Variants in CARMIL1 observed in about 807,000 individuals in gnomAD.
The protein encoded by CARMIL1 is F-actin-uncapping protein LRRC16A.
A neutral mutation model predicts 177.1 loss-of-function variants in CARMIL1; 90 were observed. That is an observed-to-expected ratio of 0.51 (90% CI 0.43 to 0.61). CARMIL1 has a LOEUF of 0.61. CARMIL1 is among the 20% of genes least tolerant of loss of function. CARMIL1 has a pLI of 0.00. For synonymous variants in CARMIL1, 577 were observed against 606.2 expected (o/e 0.95, Z 0.71); for missense variants, 1,380 against 1,667.0 (o/e 0.83, Z 3.00).
At chr6:25,456,337 G>A (rs115336437) in intron 8 of CARMIL1, among the ~76,000 whole-genome samples, 273 of 152,222 alleles carry the variant, frequency 1.8e-3, no homozygotes, top group African/African-American at 6.4e-3. Context: ...ACTGAATCTA[G>A]GACCAGTCCC....
At chr6:25,599,707 C>G (rs796268542) in intron 32 of CARMIL1, among the ~76,000 whole-genome samples, 1 of 152,070 alleles carries the variant, frequency 6.6e-6, no homozygotes, top group Non-Finnish European at 1.5e-5. Context: ...AGACTCAAGT[C>G]GCAAAAAGCC....
At chr6:25,542,098 T>C (rs1414837528) in intron 26 of CARMIL1, among the ~76,000 whole-genome samples, 2 of 152,242 alleles carry the variant, frequency 1.3e-5, no homozygotes, top group Non-Finnish European at 2.9e-5. Flanking sequence ...TAAGAACTTA[T>C]TCCATACTGA....
intron 36 of CARMIL1, among the ~76,000 whole-genome samples, chr6:25,619,213 C>T (rs1477528273): frequency 3.3e-5 from 5 of 152,186 alleles, no homozygotes; most frequent in South Asian, 4.1e-4. Flanking sequence ...GAGAGGTTCA[C>T]CCTGTCATAG....
chr6:25,289,117 C>A (rs972079583), intron 2 of CARMIL1, among the ~76,000 whole-genome samples: 2 of 152,190 alleles, frequency 1.3e-5, no homozygotes, highest in Non-Finnish European at 2.9e-5. Context: ...AATAGGCTCT[C>A]CATCATTAGG....
intron 8 of CARMIL1, among the ~76,000 whole-genome samples, chr6:25,463,211 TA>T (rs531756733): frequency 1.7e-4 from 26 of 152,350 alleles, no homozygotes; most frequent in African/African-American, 5.5e-4. Flanking sequence ...AAGGTATCCT[TA>T]TGACATTTGG....
intron 8 of CARMIL1, among the ~76,000 whole-genome samples, chr6:25,459,246 C>CTTTCTTTCTTTCTTTCTT (rs1562167309): frequency 1.7e-4 from 19 of 110,956 alleles, no homozygotes; most frequent in Admixed American, 3.2e-4. Flanking sequence ...TTCTTTCTTT[C>CTTTCTTTCTTTCTTTCTT]TTTCTTTCTT....
At chr6:25,300,455 C>T (rs930486969) in intron 2 of CARMIL1, among the ~76,000 whole-genome samples, 2 of 152,164 alleles carry the variant, frequency 1.3e-5, no homozygotes, top group South Asian at 4.2e-4. Flanking sequence ...TCACTTGAGG[C>T]CAGGAGTTCG....
Position 25,509,846 on chromosome 6 carries a change from G to A in CARMIL1, c.1477+109G>A. The A allele has an allele frequency of 1.3e-6, 1 of 766,708 alleles. No individual in the cohort carries two copies. Among genetic ancestry groups the A allele is most frequent in the Non-Finnish European group, 2.1e-6 (1 of 479,602 alleles). The allele number at this position is 766,708 out of a possible 1,614,324, so 47.5% of individuals were successfully genotyped here. On this transcript the variant is annotated intron_variant, in intron 18 of 36. Transcript: ENST00000329474. This position sits in a 1 kb window ranked among gnomAD's most constrained non-coding sequence, Gnocchi z 4.1. The stretch of plus-strand genomic sequence containing the variant: ...CAAACAATAGCTTAATAAAAAAATT[G>A]TTTTTTATTTTTTGACTAATAGGGC...
chr6:25,341,922 A>G (rs1786985827), intron 2 of CARMIL1, among the ~76,000 whole-genome samples: 3 of 152,354 alleles, frequency 2.0e-5, no homozygotes, highest in African/African-American at 7.2e-5. Flanking sequence ...ATAACACTGG[A>G]AAGGCGGAGG....
At chr6:25,485,303 C>G (rs1377353487) in intron 12 of CARMIL1, among the ~76,000 whole-genome samples, 1 of 152,116 alleles carries the variant, frequency 6.6e-6, no homozygotes, top group Non-Finnish European at 1.5e-5. Context: ...TGCCTGTACC[C>G]TTTACAAATA....
chr6:25,386,053 C>T (rs1016505313), intron 2 of CARMIL1, among the ~76,000 whole-genome samples: 14 of 152,126 alleles, frequency 9.2e-5, no homozygotes, highest in African/African-American at 2.9e-4. Flanking sequence ...TGGATACATC[C>T]GAGTGTATTT....
chr6:25,482,210 A>G, intron 11 of CARMIL1, 47 bp from the exon 12 acceptor site: 1 of 921,070 alleles, frequency 1.1e-6, no homozygotes, highest in Non-Finnish European at 1.7e-6. Context: ...TAAAAAATGC[A>G]ATTCTGAGAA....
In CARMIL1 at chr6:25,606,287, A is replaced by G; in HGVS notation, c.3847+14A>G. On this transcript the variant is annotated intron_variant, in intron 35 of 36. Coordinates refer to ENST00000329474, the MANE Select transcript of CARMIL1 (RefSeq NM_017640.6). Reference sequence around the variant, plus strand: ...CCTCACGGCCTGGTAAGAGTTTTGCAGTTAGGGAGTTGCATTGTGACCAGG... The same window carrying G: ...CCTCACGGCCTGGTAAGAGTTTTGCGGTTAGGGAGTTGCATTGTGACCAGG... The G allele has an allele frequency of 6.2e-7, 1 of 1,609,506 alleles. No homozygotes were observed.
intron 2 of CARMIL1, among the ~76,000 whole-genome samples, chr6:25,359,606 C>A (rs1364122167): frequency 6.6e-6 from 1 of 152,236 alleles, no homozygotes; most frequent in Non-Finnish European, 1.5e-5. Flanking sequence ...GATCCAGCAG[C>A]CTTTGTGCTC....
At chr6:25,312,926 A>C (rs901232320) in intron 2 of CARMIL1, among the ~76,000 whole-genome samples, 9 of 150,084 alleles carry the variant, frequency 6.0e-5, no homozygotes, top group African/African-American at 1.5e-4. Flanking sequence ...AAAAAAAAAA[A>C]AAAAACCAGA....
At chr6:25,603,474 G>C (rs1027172800) in intron 33 of CARMIL1, among the ~76,000 whole-genome samples, 1 of 152,222 alleles carries the variant, frequency 6.6e-6, no homozygotes, top group Non-Finnish European at 1.5e-5. Flanking sequence ...CACTCCTGGG[G>C]AGTGTGTGAC....
In CARMIL1 at chr6:25,615,054, T is replaced by C. The variant is rs141481739; in HGVS notation, c.3980-4393T>C. Among the ~76,000 whole-genome samples, 489 of 152,370 alleles carry C rather than the reference T, an allele frequency of 3.2e-3. 2 individuals carry two copies. Among genetic ancestry groups the C allele is most frequent in the African/African-American group, 0.011 (465 of 41,586 alleles). On this transcript the variant is annotated intron_variant, in intron 36 of 36. Transcript: ENST00000329474. Reference sequence around the variant, plus strand: ...TCAATTAAAGTGATTTTATGCATAATATTTTAATTTTGTTTTGTTAGTGCC... The same window carrying C: ...TCAATTAAAGTGATTTTATGCATAACATTTTAATTTTGTTTTGTTAGTGCC...
chr6:25,284,708 C>G (rs1203694625), intron 1 of CARMIL1, 104 bp from the exon 2 acceptor site: 1 of 668,314 alleles, frequency 1.5e-6, no homozygotes, highest in East Asian at 2.9e-5. Flanking sequence ...GACTCTGTCT[C>G]AAAAGACAAC....
chr6:25,341,720 C>G (rs1040150132), intron 2 of CARMIL1, among the ~76,000 whole-genome samples: 3 of 152,180 alleles, frequency 2.0e-5, no homozygotes, highest in Non-Finnish European at 2.9e-5. Flanking sequence ...TGTCTCAAAA[C>G]AACAGCAACA....
Sources: gnomAD v4.1 joint callset for allele counts (sites outside exome capture counted in the v4.1 genomes callset) on GRCh38, gnomAD v4.1.1 for gene constraint, Gnocchi (gnomAD v3.1) non-coding constraint, MANE v1.5 for transcripts, NCBI Gene and HGNC (gene_info 2026-07-23, HGNC 2026-07-21) for gene names.